The following COG5 variants were observed in gnomAD, a reference collection of about 807,000 sequenced individuals.
COG5 encodes the protein conserved oligomeric Golgi complex subunit 5.
In COG5, 86 loss-of-function variants were observed where a neutral mutation model predicts 110.4. The observed-to-expected ratio is 0.78, with a 90% CI of 0.65 to 0.93. The LOEUF (loss-of-function observed/expected upper bound fraction) is 0.93, where lower values mean the gene tolerates loss of function less well. Among genes scored for constraint, COG5 ranks in the 40% least tolerant of loss-of-function variants. The pLI is 0.00. For synonymous variants in COG5, 360 were observed against 334.6 expected (o/e 1.08, Z -0.83); for missense variants, 1,077 against 987.0 (o/e 1.09, Z -1.22).
chr7:107,464,162 A>G (rs990278204), intron 6 of COG5, among the ~76,000 whole-genome samples: 1 of 152,158 alleles, frequency 6.6e-6, no homozygotes, highest in African/African-American at 2.4e-5. Context: ...GACTGCATTT[A>G]CATTCAATTT....
At chr7:107,215,282 C>T (rs779795314) in intron 19 of COG5, among the ~76,000 whole-genome samples, 2 of 152,158 alleles carry the variant, frequency 1.3e-5, no homozygotes, top group Non-Finnish European at 2.9e-5. Flanking sequence ...AAACTACAAA[C>T]TAGTATTATT....
chr7:107,452,607 T>C (rs59650342), intron 6 of COG5, among the ~76,000 whole-genome samples: 6,365 of 152,280 alleles, frequency 0.042, 171 homozygotes, highest in Middle Eastern at 0.078. Flanking sequence ...GCACTCTCTT[T>C]GGCCCCTATC....
intron 6 of COG5, chr7:107,475,342 C>T (rs762138070): frequency 5.9e-6 from 9 of 1,532,658 alleles, no homozygotes; most frequent in Non-Finnish European, 7.9e-6. Flanking sequence ...ATGTTTAGTG[C>T]CTCAGGTTGT....
chr7:107,225,461 T>C (rs1256053740), intron 19 of COG5, among the ~76,000 whole-genome samples: 2 of 152,098 alleles, frequency 1.3e-5, no homozygotes, highest in Non-Finnish European at 2.9e-5. Context: ...GTCAAAGATA[T>C]TTTCATGTTT....
chr7:107,511,541 T>C (rs1044154790), intron 6 of COG5, among the ~76,000 whole-genome samples: 10 of 152,200 alleles, frequency 6.6e-5, no homozygotes, highest in African/African-American at 2.2e-4. Flanking sequence ...CCTAACTCAC[T>C]TTATGAGGCC....
chr7:107,288,909 T>C (rs186991476), intron 12 of COG5, among the ~76,000 whole-genome samples: 157 of 2,926 alleles, frequency 0.054, 3 homozygotes, highest in African/African-American at 0.12. Context: ...CTAACAGAGA[T>C]ATATATATAT....
At chr7:107,390,591 T>C (rs1262550365) in intron 7 of COG5, among the ~76,000 whole-genome samples, 1 of 151,664 alleles carries the variant, frequency 6.6e-6, no homozygotes, top group African/African-American at 2.4e-5. Context: ...AACTTAAAAC[T>C]AAAATTTTAG....
intron 7 of COG5, among the ~76,000 whole-genome samples, chr7:107,398,769 T>A (rs1229114107): frequency 6.6e-6 from 1 of 152,166 alleles, no homozygotes; most frequent in Non-Finnish European, 1.5e-5. Context: ...AGACAGAAAT[T>A]ATAATCTATC....
chr7:107,398,853 T>C (rs899657004), intron 7 of COG5, among the ~76,000 whole-genome samples: 3 of 152,162 alleles, frequency 2.0e-5, no homozygotes, highest in African/African-American at 7.2e-5. Flanking sequence ...AACTTTTGTA[T>C]GATGATGGCA....
intron 5 of COG5, among the ~76,000 whole-genome samples, chr7:107,527,628 A>C (rs1054099729): frequency 2.6e-5 from 4 of 152,158 alleles, no homozygotes; most frequent in Admixed American, 2.6e-4. Context: ...CACAAACCTA[A>C]ATAATCGCAA....
chr7:107,414,582 G>A lies in COG5; in HGVS notation c.539-1950C>T, dbSNP rs371081769. 3.3e-5 allele frequency among the ~76,000 whole-genome samples: 5 copies of A among 151,446 alleles called. No individual in the cohort carries two copies. In the East Asian group the frequency reaches 9.8e-4, roughly 30 times the overall value. On this transcript the variant is annotated intron_variant, in intron 6 of 21. Transcript: ENST00000297135. The stretch of plus-strand genomic sequence containing the variant: ...ACATGGCTACCGGAATAAATGTTCT[G>A]GTTTATTCTAGTTTATTATAGTTGC...
At chr7:107,554,163 A>C in intron 3 of COG5, 122 bp downstream of exon 3, 1 of 765,156 alleles carries the variant, frequency 1.3e-6, no homozygotes, top group Non-Finnish European at 2.3e-6. Flanking sequence ...AGAGTTTAGT[A>C]GTTGCAACAG....
At chr7:107,354,934 TG>T (rs1812495375) in intron 10 of COG5, among the ~76,000 whole-genome samples, 1 of 152,200 alleles carries the variant, frequency 6.6e-6, no homozygotes, top group Non-Finnish European at 1.5e-5. Context: ...TGACACTACT[TG>T]AATAACTGTT....
intron 6 of COG5, among the ~76,000 whole-genome samples, chr7:107,423,387 C>T (rs1793424888): frequency 6.6e-6 from 1 of 152,006 alleles, no homozygotes; most frequent in African/African-American, 2.4e-5. Context: ...CTTAGCAAAA[C>T]GACCAGAGCT....
intron 10 of COG5, among the ~76,000 whole-genome samples, chr7:107,347,029 C>A (rs761335610): frequency 3.9e-5 from 6 of 152,146 alleles, no homozygotes; most frequent in Non-Finnish European, 8.8e-5. Context: ...TCATAATGTA[C>A]TAGAATATTC....
At chr7:107,364,804 T>C (rs1374845832) in intron 8 of COG5, among the ~76,000 whole-genome samples, 3 of 152,152 alleles carry the variant, frequency 2.0e-5, no homozygotes, top group Admixed American at 1.3e-4. Context: ...CTGATAATAG[T>C]AGCAAGCAAT....
intron 12 of COG5, among the ~76,000 whole-genome samples, chr7:107,296,602 T>A (rs1188263940): frequency 3.8e-5 from 5 of 132,624 alleles, no homozygotes; most frequent in East Asian, 2.2e-4. Context: ...TTTTTTTTTT[T>A]AAAGAGAGAC....
intron 8 of COG5, among the ~76,000 whole-genome samples, chr7:107,365,803 T>G (rs141216092): frequency 6.6e-5 from 10 of 152,086 alleles, no homozygotes; most frequent in Admixed American, 2.0e-4. Flanking sequence ...AGCTTCTGAA[T>G]GATGCAAATT....
At chr7:107,448,872 GT>G (rs1330865592) in intron 6 of COG5, among the ~76,000 whole-genome samples, 1 of 151,966 alleles carries the variant, frequency 6.6e-6, no homozygotes, top group Non-Finnish European at 1.5e-5. Flanking sequence ...AAAAATATAT[GT>G]CATGAATATA....
Sources: gnomAD v4.1 joint callset for allele counts (sites outside exome capture counted in the v4.1 genomes callset) on GRCh38, gnomAD v4.1.1 for gene constraint, MANE v1.5 for transcripts, NCBI Gene and HGNC (gene_info 2026-07-23, HGNC 2026-07-21) for gene names.